The following CD200R1 variants were observed in gnomAD, a reference collection of about 807,000 sequenced individuals.
CD200R1 encodes cell surface glycoprotein CD200 receptor 1.
A neutral mutation model predicts 38.1 loss-of-function variants in CD200R1; 30 were observed. That is an observed-to-expected ratio of 0.79 (90% CI 0.59 to 1.07). The LOEUF (loss-of-function observed/expected upper bound fraction) is 1.07, where lower values mean the gene tolerates loss of function less well. Ranked by LOEUF, CD200R1 falls within the 50% of genes least tolerant of loss-of-function variation. CD200R1 has a pLI of 0.00. For missense variants in CD200R1, 372 were observed against 415.4 expected, an observed-to-expected ratio of 0.90 and a Z score of 0.91; for synonymous variants, 128 against 152.1, an observed-to-expected ratio of 0.84 and a Z score of 1.16.
intron 1 of CD200R1, among the ~76,000 whole-genome samples, chr3:112,973,674 A>T (rs1933364437): frequency 6.6e-6 from 1 of 152,254 alleles, no homozygotes; most frequent in Admixed American, 6.5e-5. Context: ...TGTGGAAAGA[A>T]GATTTTTTGT....
chr3:112,940,739 G>T (rs1381237103), intron 2 of CD200R1, among the ~76,000 whole-genome samples: 1 of 151,704 alleles, frequency 6.6e-6, no homozygotes, highest in Non-Finnish European at 1.5e-5. Flanking sequence ...AGAATAGTAT[G>T]GAAGTTCCTA....
intron 1 of CD200R1, among the ~76,000 whole-genome samples, chr3:112,951,934 G>A (rs1361929645): frequency 6.6e-6 from 1 of 151,370 alleles, no homozygotes; most frequent in East Asian, 1.9e-4. Flanking sequence ...CTCAAGAACA[G>A]TCTCAATCAA....
chr3:112,974,469 G>A (rs1467423267), intron 1 of CD200R1, among the ~76,000 whole-genome samples: 1 of 152,008 alleles, frequency 6.6e-6, no homozygotes, highest in Non-Finnish European at 1.5e-5. Flanking sequence ...ATAAGATAAA[G>A]AGAACCTAAC....
chr3:112,969,668 G>T (rs1933253826), intron 1 of CD200R1, among the ~76,000 whole-genome samples: 1 of 152,138 alleles, frequency 6.6e-6, no homozygotes, highest in Admixed American at 6.5e-5. Context: ...TTTATTCAAT[G>T]CAGGGCCTCT....
At chr3:112,957,123 G>C (rs1158909494) in intron 1 of CD200R1, among the ~76,000 whole-genome samples, 2 of 152,138 alleles carry the variant, frequency 1.3e-5, no homozygotes, top group Admixed American at 6.5e-5. Context: ...TCATCACACT[G>C]TGCTGTCTAG....
At chr3:112,949,355 G>C (rs779749097) in intron 1 of CD200R1, among the ~76,000 whole-genome samples, 2 of 152,182 alleles carry the variant, frequency 1.3e-5, no homozygotes, top group Non-Finnish European at 1.5e-5. Flanking sequence ...TGTTTTTCTG[G>C]AAAAAGTTTT....
chr3:112,929,493 G>C lies in CD200R1; in HGVS notation c.217C>G (p.Pro73Ala). 6.2e-7 allele frequency: 1 copy of C among 1,611,542 alleles called. No individual in the cohort carries two copies. The highest frequency in any genetic ancestry group is 1.3e-5 in the African/African-American group (1 of 74,794). The change falls in exon 4 of 8, where the codon CCT (proline) becomes GCT (alanine). Residue 73 changes from proline (P) to alanine (A), a missense_variant. Coordinates refer to ENST00000308611, the MANE Select transcript of CD200R1 (RefSeq NM_138806.4). ...KVLAEVNTSW[P>A]VKMATNAVLC... is the part of the protein sequence containing the mutation. ...ACAGCATTTGTAGCCATCTTTACAGGCCATGAAGTGTTAACTGGACATGAA... is the reference window on the plus strand; with the variant it reads ...ACAGCATTTGTAGCCATCTTTACAGCCCATGAAGTGTTAACTGGACATGAA...
At chr3:112,969,293 A>T (rs1207590429) in intron 1 of CD200R1, among the ~76,000 whole-genome samples, 1 of 152,230 alleles carries the variant, frequency 6.6e-6, no homozygotes, top group Non-Finnish European at 1.5e-5. Context: ...GAGAGACAAG[A>T]TATTGGGGAA....
chr3:112,940,157 AC>A (rs1940694465), intron 2 of CD200R1, among the ~76,000 whole-genome samples: 1 of 151,702 alleles, frequency 6.6e-6, no homozygotes, highest in South Asian at 2.1e-4. Context: ...CTCACCCCAT[AC>A]AAAAATCAAC....
At chr3:112,957,383 G>C (rs1254178644) in intron 1 of CD200R1, among the ~76,000 whole-genome samples, 1 of 152,036 alleles carries the variant, frequency 6.6e-6, no homozygotes, top group Non-Finnish European at 1.5e-5. Context: ...AAGTGTTAAG[G>C]CAATTTTATA....
At chr3:112,928,375 A>G (rs993848252) in intron 5 of CD200R1, among the ~76,000 whole-genome samples, 4 of 152,226 alleles carry the variant, frequency 2.6e-5, no homozygotes, top group African/African-American at 7.2e-5. Flanking sequence ...TAAATGAATC[A>G]TAGATGTTAT....
In CD200R1 at chr3:112,923,743, A is replaced by T. The variant is rs145066091; in HGVS notation, c.981T>A (p.Thr327=). The T allele has an allele frequency of 1.5e-4, 246 of 1,609,238 alleles. 1 individual carries two copies. The East Asian group carries it at 5.2e-3, about 34-fold the overall frequency. Residue 327 remains threonine, a synonymous_variant, in exon 8 of 8, where the codon ACT becomes ACA. Transcript: ENST00000308611. ...YTEKNNPLYD[T]TNKVKASEAL... is the part of the protein sequence containing the mutation. ...CCTCAGATGCCTTCACCTTGTTTGT[A>T]GTATCATAGAGAGGATTGTTCTTCT...
intron 2 of CD200R1, among the ~76,000 whole-genome samples, chr3:112,947,506 CA>C (rs1236432270): frequency 6.6e-6 from 1 of 151,922 alleles, no homozygotes; most frequent in Non-Finnish European, 1.5e-5. Context: ...AAATGGCAAA[CA>C]AAAATTTTGG....
intron 1 of CD200R1, among the ~76,000 whole-genome samples, chr3:112,955,491 C>T (rs7431174): frequency 4.6e-5 from 7 of 151,024 alleles, no homozygotes; most frequent in Middle Eastern, 3.4e-3. Context: ...ATATAAAGAC[C>T]TTTTTGGTCT....
At chr3:112,969,578 C>A (rs1933251690) in intron 1 of CD200R1, among the ~76,000 whole-genome samples, 1 of 152,190 alleles carries the variant, frequency 6.6e-6, no homozygotes. Flanking sequence ...ACTTCAGTTA[C>A]TTAGACCAAA....
At position 112,948,099 on chromosome 3, in the gene CD200R1, A is replaced by G. The variant is rs372006975; in HGVS notation, c.68-175T>C. On this transcript the variant is annotated intron_variant, in intron 1 of 7. Transcript: ENST00000308611. ...GTCTTGGCAAAATTTGTCCCAGTAT[A>G]AACTTTTGACTTTCTCTTCCTGACT... Among the ~76,000 whole-genome samples, 10 of 152,310 alleles carry G rather than the reference A, an allele frequency of 6.6e-5. No homozygotes were observed. The East Asian group carries it at 1.2e-3, about 18-fold the overall frequency.
chr3:112,960,092 C>T (rs1444220946), intron 1 of CD200R1, among the ~76,000 whole-genome samples: 1 of 152,018 alleles, frequency 6.6e-6, no homozygotes, highest in Non-Finnish European at 1.5e-5. Flanking sequence ...ATGAATGCAA[C>T]TTTGTAACTG....
chr3:112,925,427 T>C (rs903103588), intron 5 of CD200R1, among the ~76,000 whole-genome samples: 2 of 152,082 alleles, frequency 1.3e-5, no homozygotes, highest in African/African-American at 4.8e-5. Context: ...AATTATTGAT[T>C]ATCTGGTGGT....
intron 3 of CD200R1, 102 bp downstream of exon 3, chr3:112,931,004 G>A: frequency 2.5e-6 from 2 of 788,446 alleles, no homozygotes; most frequent in Non-Finnish European, 4.4e-6. Context: ...AGTTCTTCAA[G>A]TAGTCATAAG....
Sources: gnomAD v4.1 joint callset for allele counts (sites outside exome capture counted in the v4.1 genomes callset) on GRCh38, gnomAD v4.1.1 for gene constraint, MANE v1.5 for transcripts, NCBI Gene and HGNC (gene_info 2026-07-23, HGNC 2026-07-21) for gene names.